LYRM4: variants seen among roughly 807,000 people sequenced by gnomAD.
LYRM4 encodes the protein LYR motif-containing protein 4.
Under a neutral mutation model 11.7 loss-of-function variants are expected in LYRM4, and 9 were observed. That is an observed-to-expected ratio of 0.77 (90% CI 0.46 to 1.34). The LOEUF (loss-of-function observed/expected upper bound fraction) is 1.34. LYRM4 is among the 40% of genes most tolerant of loss of function. The probability of loss-of-function intolerance (pLI) is 0.00; values close to 1 mark genes in which losing one functional copy is unlikely to be tolerated. For synonymous variants in LYRM4, 42 were observed against 40.4 expected (o/e 1.04, Z -0.15); for missense variants, 133 against 112.5 (o/e 1.18, Z -0.82).
chr6:5,081,348 G>C, the LYRM4 span, among the ~76,000 whole-genome samples: 1 of 152,226 alleles, frequency 6.6e-6, no homozygotes, highest in Non-Finnish European at 1.5e-5. Context: ...GTGGGAGCCA[G>C]AGATCACCCA....
At chr6:5,097,504 G>A in the LYRM4 span, among the ~76,000 whole-genome samples, 2 of 152,230 alleles carry the variant, frequency 1.3e-5, no homozygotes, top group South Asian at 2.1e-4. Flanking sequence ...ATGAGCCACC[G>A]CACCTGGATC....
At chr6:5,200,964 T>A (rs1302340625) in intron 2 of LYRM4, among the ~76,000 whole-genome samples, 1 of 152,228 alleles carries the variant, frequency 6.6e-6, no homozygotes, top group African/African-American at 2.4e-5. Flanking sequence ...GAAAGTTGAA[T>A]GAAATTCCAA....
chr6:5,081,134 C>CG, the LYRM4 span, among the ~76,000 whole-genome samples: 13 of 125,930 alleles, frequency 1.0e-4, no homozygotes, highest in Middle Eastern at 4.2e-3. Flanking sequence ...CACACTTGGG[C>CG]GGGGGGGGGG....
chr6:5,195,826 G>A (rs1456874212), intron 2 of LYRM4, among the ~76,000 whole-genome samples: 1 of 152,230 alleles, frequency 6.6e-6, no homozygotes, highest in East Asian at 1.9e-4. Flanking sequence ...ATTGTAAGCT[G>A]CATGAGGGCA....
chr6:5,153,872 C>A (rs577590547), intron 2 of LYRM4, among the ~76,000 whole-genome samples: 6 of 152,250 alleles, frequency 3.9e-5, no homozygotes, highest in Middle Eastern at 3.4e-3. Flanking sequence ...AACAGAGAGC[C>A]CGTCCCTTAG....
chr6:5,129,062 G>A (rs1438434539), intron 2 of LYRM4, among the ~76,000 whole-genome samples: 2 of 152,166 alleles, frequency 1.3e-5, no homozygotes, highest in East Asian at 1.9e-4. Context: ...GGCTGCGAGC[G>A]GCCACAACCC....
chr6:5,142,954 T>C (rs1757489557), intron 2 of LYRM4, among the ~76,000 whole-genome samples: 1 of 152,198 alleles, frequency 6.6e-6, no homozygotes, highest in Non-Finnish European at 1.5e-5. Context: ...GCCGGTCCCC[T>C]GTGTTTTCAG....
At chr6:5,038,562 C>T in the LYRM4 span, among the ~76,000 whole-genome samples, 13 of 64,880 alleles carry the variant, frequency 2.0e-4, 6 homozygotes, top group African/African-American at 5.2e-4. Context: ...TGTAGCGAGC[C>T]GAGATCACGC....
At chr6:5,260,009 G>A (rs181812741) in intron 1 of LYRM4, among the ~76,000 whole-genome samples, 1 of 152,292 alleles carries the variant, frequency 6.6e-6, no homozygotes, top group Admixed American at 6.5e-5. Context: ...TGTGAGTTTA[G>A]GCCCTCAATA....
intron 1 of LYRM4, among the ~76,000 whole-genome samples, chr6:5,228,068 T>C (rs2127738558): frequency 6.6e-6 from 1 of 152,190 alleles, no homozygotes; most frequent in East Asian, 1.9e-4. Context: ...GGTTGATAGG[T>C]GCAGCAAACC....
At position 5,110,887 on chromosome 6, in the gene LYRM4, T is replaced by C. The variant is rs977546757; in HGVS notation, c.208-1396A>G. Among the ~76,000 whole-genome samples, 13 of 152,320 alleles carry C rather than the reference T, an allele frequency of 8.5e-5. 1 individual carries two copies. In the South Asian group the frequency reaches 1.0e-3, roughly 12 times the overall value. On this transcript the variant is annotated intron_variant, in intron 2 of 2. Transcript: ENST00000330636. ...TCTCGCAACCTGCAGGTAATGCTGA[T>C]GCTGCTGGTCCACGGGCCACACTTT...
chr6:5,130,922 G>C (rs1254839516), intron 2 of LYRM4, among the ~76,000 whole-genome samples: 2 of 152,058 alleles, frequency 1.3e-5, no homozygotes, highest in African/African-American at 2.4e-5. Flanking sequence ...ATAAGGAAAA[G>C]AGAGAACCAA....
chr6:5,253,815 T>C (rs908993287), intron 1 of LYRM4, among the ~76,000 whole-genome samples: 8 of 133,386 alleles, frequency 6.0e-5, no homozygotes, highest in Non-Finnish European at 9.3e-5. Context: ...CCTCAATAAG[T>C]GGGTGCCTCA....
chr6:5,229,696 T>C (rs1051440072), intron 1 of LYRM4, among the ~76,000 whole-genome samples: 3 of 152,236 alleles, frequency 2.0e-5, no homozygotes, highest in Non-Finnish European at 4.4e-5. Context: ...ATGAAATTTA[T>C]GTGCAAAAAA....
chr6:5,044,605 T>C, the LYRM4 span, among the ~76,000 whole-genome samples: 1 of 152,178 alleles, frequency 6.6e-6, no homozygotes, highest in Admixed American at 6.5e-5. Flanking sequence ...CCATGGTTTC[T>C]TTTTTTCCTT....
chr6:5,080,663 G>C, the LYRM4 span, among the ~76,000 whole-genome samples: 1 of 152,194 alleles, frequency 6.6e-6, no homozygotes, highest in African/African-American at 2.4e-5. Context: ...TGCTTAAAAG[G>C]CAGTGCCGGA....
intron 1 of LYRM4, 22 bp from the exon 2 acceptor site, chr6:5,216,760 A>G: frequency 1.9e-6 from 3 of 1,605,198 alleles, no homozygotes; most frequent in Middle Eastern, 1.7e-4. Context: ...CAGAGGAAAA[A>G]AAAGAAAAGG....
chr6:5,191,069 A>G (rs1257636835), intron 2 of LYRM4, among the ~76,000 whole-genome samples: 1 of 152,228 alleles, frequency 6.6e-6, no homozygotes, highest in Non-Finnish European at 1.5e-5. Context: ...ACGGATGTAC[A>G]TGAAGATATT....
the LYRM4 span, among the ~76,000 whole-genome samples, chr6:5,041,575 G>T: frequency 6.6e-6 from 1 of 152,278 alleles, no homozygotes; most frequent in East Asian, 1.9e-4. Context: ...ATTTTAATGG[G>T]CCCATGTTTC....
Sources: allele counts gnomAD v4.1 joint callset (sites outside exome capture counted in the v4.1 genomes callset), GRCh38; gene constraint gnomAD v4.1.1; transcripts MANE v1.5; gene names NCBI Gene and HGNC (gene_info 2026-07-23, HGNC 2026-07-21).